FLT1: variants seen among roughly 807,000 people sequenced by gnomAD.
The protein encoded by FLT1 is fms related receptor tyrosine kinase 1.
In FLT1, 49 loss-of-function variants were observed where a neutral mutation model predicts 156.3. The ratio of observed to expected loss-of-function variants is 0.31; its 90% CI spans 0.25 to 0.40. The LOEUF (loss-of-function observed/expected upper bound fraction) is 0.40. FLT1 is among the 10% of genes least tolerant of loss of function. The pLI, the probability that FLT1 is intolerant of heterozygous loss-of-function variation, is 1.00. For synonymous variants in FLT1, 594 were observed against 583.8 expected (o/e 1.02, Z -0.25); for missense variants, 1,322 against 1,637.2 (o/e 0.81, Z 3.32).
At chr13:28,412,307 C>CTCTTTCTTTCTTTCTT (rs958476857) in intron 10 of FLT1, among the ~76,000 whole-genome samples, 5 of 53,630 alleles carry the variant, frequency 9.3e-5, no homozygotes, top group Non-Finnish European at 9.1e-5. Flanking sequence ...TTTTCTCTTT[C>CTCTTTCTTTCTTTCTT]TCTTTCTTTC....
intron 13 of FLT1, chr13:28,387,956 A>G (rs2137455366): frequency 9.4e-7 from 1 of 1,061,564 alleles, no homozygotes; most frequent in Non-Finnish European, 1.1e-6. Flanking sequence ...AATTGCAAAC[A>G]GGGGAAGGAA....
At chr13:28,367,439 T>A (rs551814973) in intron 14 of FLT1, among the ~76,000 whole-genome samples, 17 of 152,312 alleles carry the variant, frequency 1.1e-4, no homozygotes, top group Admixed American at 8.5e-4. Context: ...AATTTATTCA[T>A]GGGATGTGGT....
intron 20 of FLT1, among the ~76,000 whole-genome samples, chr13:28,325,439 C>T (rs1374047263): frequency 6.6e-6 from 1 of 152,140 alleles, no homozygotes; most frequent in Non-Finnish European, 1.5e-5. Context: ...TGTCCTTAAG[C>T]GAATCACTTG....
chr13:28,423,101 A>C (rs1206679150), intron 10 of FLT1, among the ~76,000 whole-genome samples: 1 of 152,186 alleles, frequency 6.6e-6, no homozygotes, highest in Non-Finnish European at 1.5e-5. Flanking sequence ...TTAGTTGTTC[A>C]AAATGCAGGC....
At position 28,354,164 on chromosome 13, in the gene FLT1, A is replaced by G. The variant is rs79185584; in HGVS notation, c.2248+3390T>C. Among the ~76,000 whole-genome samples, 18 of 152,340 alleles carry G rather than the reference A, an allele frequency of 1.2e-4. No homozygotes were observed. The East Asian group carries it at 3.5e-3, about 29-fold the overall frequency. The stretch of plus-strand genomic sequence containing the variant: ...GACTCTAGAAGAAGAGTCCCATTTC[A>G]ATTATAAAATTAATGAGCAGGTACC... On this transcript the variant is annotated intron_variant, in intron 15 of 29. Coordinates refer to ENST00000282397, the MANE Select transcript of FLT1 (RefSeq NM_002019.4).
chr13:28,353,301 G>A (rs1049316011), intron 15 of FLT1, among the ~76,000 whole-genome samples: 1 of 152,052 alleles, frequency 6.6e-6, no homozygotes, highest in Non-Finnish European at 1.5e-5. Flanking sequence ...GGCTGGGCGC[G>A]GTGGCTCATG....
chr13:28,466,322 A>G (rs1251515511), intron 3 of FLT1, among the ~76,000 whole-genome samples: 1 of 152,216 alleles, frequency 6.6e-6, no homozygotes, highest in Non-Finnish European at 1.5e-5. Context: ...TAAAAAATGA[A>G]TCAAACATGA....
At chr13:28,338,483 G>T (rs1334318541) in intron 17 of FLT1, among the ~76,000 whole-genome samples, 1 of 152,194 alleles carries the variant, frequency 6.6e-6, no homozygotes, top group Non-Finnish European at 1.5e-5. Flanking sequence ...CTGAGCTGGA[G>T]GAACTGGAAG....
At chr13:28,342,172 C>T (rs889815925) in intron 16 of FLT1, among the ~76,000 whole-genome samples, 8 of 152,116 alleles carry the variant, frequency 5.3e-5, no homozygotes, top group Non-Finnish European at 8.8e-5. Flanking sequence ...CATGAGCCAC[C>T]GTGCCCGGCC....
At chr13:28,321,247 G>C (rs1208356413) in intron 23 of FLT1, among the ~76,000 whole-genome samples, 3 of 152,200 alleles carry the variant, frequency 2.0e-5, no homozygotes, top group African/African-American at 7.2e-5. Context: ...CAGGTGGGAG[G>C]CCAGGCATTA....
intron 19 of FLT1, 84 bp downstream of exon 19, chr13:28,329,531 G>T: frequency 2.1e-6 from 2 of 965,790 alleles, no homozygotes; most frequent in Non-Finnish European, 3.3e-6. Flanking sequence ...AGCACAGTGC[G>T]GGGGAGAAGG....
intron 1 of FLT1, among the ~76,000 whole-genome samples, chr13:28,490,554 C>T (rs1165683542): frequency 1.3e-5 from 2 of 152,166 alleles, no homozygotes; most frequent in African/African-American, 2.4e-5. Flanking sequence ...TAATCAGCAG[C>T]ATGCAATTTC....
At chr13:28,314,463 C>T (rs534581028) in intron 25 of FLT1, among the ~76,000 whole-genome samples, 3 of 152,280 alleles carry the variant, frequency 2.0e-5, no homozygotes, top group South Asian at 4.1e-4. Context: ...TCAACAGTAT[C>T]TGGGCCAGGA....
At chr13:28,396,732 G>A in intron 12 of FLT1, 1 of 647,734 alleles carries the variant, frequency 1.5e-6, no homozygotes, top group Non-Finnish European at 2.8e-6. Context: ...CAGTCTGGGA[G>A]GGAGACAAAC....
chr13:28,318,078 C>T (rs2138823552), intron 24 of FLT1, among the ~76,000 whole-genome samples: 1 of 152,224 alleles, frequency 6.6e-6, no homozygotes, highest in East Asian at 1.9e-4. Flanking sequence ...CCCACCTCAG[C>T]CTCCCGAGCA....
At chr13:28,375,875 G>A (rs12584016) in intron 14 of FLT1, among the ~76,000 whole-genome samples, 67,793 of 152,070 alleles carry the variant, frequency 0.45, 16,345 homozygotes, top group East Asian at 0.6. Flanking sequence ...ATTGTGTACC[G>A]TAAGGATAGA....
At position 28,319,498 on chromosome 13, in the gene FLT1, T is replaced by C. The variant is rs1005947052; in HGVS notation, c.3211A>G (p.Ile1071Val). 6.2e-7 allele frequency: 1 copy of C among 1,614,008 alleles called. No homozygotes were observed. The highest frequency in any genetic ancestry group is 8.5e-7 in the Non-Finnish European group (1 of 1,179,918). Residue 1071 changes from isoleucine to valine, a missense_variant, in exon 24 of 30, where the codon ATC becomes GTC. Ile to Val is a conservative substitution (Grantham distance 29). Transcript: ENST00000282397. ...TTGGTGCTGTAGATTTTGTCAAAGA[T>C]AGATTCAGGAGCCATCCATTTCAGA... ...LPLKWMAPESIFDKIYSTKSD... is the reference protein window; with the variant it reads ...LPLKWMAPESVFDKIYSTKSD...
chr13:28,317,723 T>G (rs1440469694), intron 24 of FLT1, 126 bp from the exon 25 acceptor site: 1 of 713,694 alleles, frequency 1.4e-6, no homozygotes, highest in East Asian at 2.7e-5. Flanking sequence ...TTCCCAGGGA[T>G]TACAACAGAT....
chr13:28,377,561 A>G (rs1340851997), intron 14 of FLT1, among the ~76,000 whole-genome samples: 1 of 152,248 alleles, frequency 6.6e-6, no homozygotes, highest in East Asian at 1.9e-4. Flanking sequence ...TACATGCATC[A>G]CTTAATTACT....
Sources: allele counts gnomAD v4.1 joint callset (sites outside exome capture counted in the v4.1 genomes callset), GRCh38; gene constraint gnomAD v4.1.1; transcripts MANE v1.5; gene names NCBI Gene and HGNC (gene_info 2026-07-23, HGNC 2026-07-21).